ICA1: variants seen among roughly 807,000 people sequenced by gnomAD.
ICA1 encodes the protein islet cell autoantigen 1.
A neutral mutation model predicts 71.0 loss-of-function variants in ICA1; 40 were observed. The ratio of observed to expected loss-of-function variants is 0.56; its 90% CI spans 0.44 to 0.73. The LOEUF (loss-of-function observed/expected upper bound fraction) is 0.73. Among genes scored for constraint, ICA1 ranks in the 30% least tolerant of loss-of-function variants. The probability of loss-of-function intolerance (pLI) is 0.00; values close to 1 mark genes in which losing one functional copy is unlikely to be tolerated. For missense variants in ICA1, 578 were observed against 576.5 expected, an observed-to-expected ratio of 1.00 and a Z score of -0.03; for synonymous variants, 207 against 209.5, an observed-to-expected ratio of 0.99 and a Z score of 0.10.
intron 3 of ICA1, among the ~76,000 whole-genome samples, chr7:8,230,705 T>C (rs1168504831): frequency 6.6e-6 from 1 of 152,256 alleles, no homozygotes; most frequent in African/African-American, 2.4e-5. Context: ...AAAGCATATA[T>C]GCTTATAATA....
intron 10 of ICA1, 151 bp from the exon 11 acceptor site, chr7:8,139,198 T>A: frequency 1.7e-6 from 1 of 599,624 alleles, no homozygotes; most frequent in Non-Finnish European, 2.9e-6. Flanking sequence ...TACACTGGAC[T>A]CCTGCTATCA....
intron 1 of ICA1, among the ~76,000 whole-genome samples, chr7:8,237,819 GACACACAC>G (rs57343882): frequency 7.0e-6 from 1 of 142,088 alleles, no homozygotes; most frequent in Non-Finnish European, 1.6e-5. Flanking sequence ...GTTGAAGACA[GACACACAC>G]ACACACACAC....
At chr7:8,203,368 A>G (rs1790404662) in intron 6 of ICA1, among the ~76,000 whole-genome samples, 1 of 152,340 alleles carries the variant, frequency 6.6e-6, no homozygotes, top group East Asian at 1.9e-4. Flanking sequence ...AAATCTTCAT[A>G]TAAGTCAGAT....
chr7:8,116,073 G>A (rs1226694180), intron 13 of ICA1, among the ~76,000 whole-genome samples: 1 of 152,200 alleles, frequency 6.6e-6, no homozygotes, highest in Non-Finnish European at 1.5e-5. Context: ...AGAAAAAGAA[G>A]TCAGAATGTA....
In ICA1 at chr7:8,123,806, G is replaced by C. The variant is rs926265348; in HGVS notation, c.1330+4067C>G. The stretch of plus-strand genomic sequence containing the variant: ...CTGGGAAATCCCTTTTGCTCTCAGA[G>C]ACTGTACTGAGAGGCCAGAGAAGGG... On this transcript the variant is annotated intron_variant, in intron 13 of 13. Coordinates refer to ENST00000402384, the MANE Select transcript of ICA1 (RefSeq NM_001136020.3). This position sits in a 1 kb window ranked among gnomAD's most constrained non-coding sequence, Gnocchi z 4.1. 2.6e-5 allele frequency among the ~76,000 whole-genome samples: 4 copies of C among 152,300 alleles called. No homozygotes were observed. Among genetic ancestry groups the C allele is most frequent in the African/African-American group, 9.6e-5 (4 of 41,564 alleles).
Position 8,128,042 on chromosome 7 carries a change from C to G in ICA1, c.1161G>C (p.Glu387Asp). The G allele has an allele frequency of 6.2e-7, 1 of 1,614,232 alleles. No homozygotes were observed. Among genetic ancestry groups the G allele is most frequent in the Non-Finnish European group, 8.5e-7 (1 of 1,180,044 alleles). The change falls in exon 13 of 14, where the codon GAG becomes GAC. Residue 387 changes from glutamate (E) to aspartate (D), a missense_variant. Transcript: ENST00000402384. ...SEIFNASSLEEGEFSKEWAAV... is the reference protein window; with the variant it reads ...SEIFNASSLEDGEFSKEWAAV... ...CGGCCCACTCTTTGCTGAACTCGCC[C>G]TCTTCCAAGGAGGAAGCATTGAAGA... is the stretch of plus-strand genomic sequence containing the variant.
chr7:8,249,230 TGA>T lies in ICA1; in HGVS notation c.-80+12862_-80+12863del, dbSNP rs533519110. Among the ~76,000 whole-genome samples the T allele has an allele frequency of 1.3e-3, 196 of 152,374 alleles. 2 individuals are homozygous for T. The highest frequency in any genetic ancestry group is 4.3e-3 in the African/African-American group (180 of 41,598). ...CTGGCTTCCCACACAGCCTCTGGGC[TGA>T]GTCTCTAAGACTTAATTAGTCATTG... is the stretch of plus-strand genomic sequence containing the variant. On this transcript the variant is annotated intron_variant, in intron 1 of 13. Coordinates refer to ENST00000402384, the MANE Select transcript of ICA1 (RefSeq NM_001136020.3).
intron 6 of ICA1, among the ~76,000 whole-genome samples, chr7:8,169,612 A>G (rs905867331): frequency 1.3e-5 from 2 of 152,042 alleles, no homozygotes; most frequent in Non-Finnish European, 2.9e-5. Flanking sequence ...ATGATATTGA[A>G]CTTCTTTTCA....
intron 8 of ICA1, among the ~76,000 whole-genome samples, chr7:8,154,089 G>A (rs1253066736): frequency 6.6e-6 from 1 of 151,938 alleles, no homozygotes; most frequent in Non-Finnish European, 1.5e-5. Flanking sequence ...GAAGGAATGT[G>A]TCAGTAAAAG....
At chr7:8,232,346 T>C in intron 3 of ICA1, among the ~76,000 whole-genome samples, 1 of 152,228 alleles carries the variant, frequency 6.6e-6, no homozygotes, top group Non-Finnish European at 1.5e-5. Flanking sequence ...AAGAAACGCT[T>C]ACTGAGAATT....
intron 5 of ICA1, 131 bp downstream of exon 5, chr7:8,221,144 G>A (rs1796927881): frequency 7.3e-6 from 7 of 959,386 alleles, no homozygotes; most frequent in Non-Finnish European, 1.1e-5. Context: ...CCTAACTAGT[G>A]AGTACAGAGC....
At chr7:8,131,999 T>C (rs1478907205) in intron 12 of ICA1, among the ~76,000 whole-genome samples, 1 of 152,106 alleles carries the variant, frequency 6.6e-6, no homozygotes, top group Non-Finnish European at 1.5e-5. Flanking sequence ...GAACAAGGGT[T>C]GAGGATCTCT....
At chr7:8,261,366 G>C (rs1227309526) in intron 1 of ICA1, among the ~76,000 whole-genome samples, 1 of 152,170 alleles carries the variant, frequency 6.6e-6, no homozygotes, top group Non-Finnish European at 1.5e-5. Context: ...AACAGGATAT[G>C]TTCGTTTCTA....
At chr7:8,181,177 G>C (rs1487692490) in intron 6 of ICA1, among the ~76,000 whole-genome samples, 1 of 151,966 alleles carries the variant, frequency 6.6e-6, no homozygotes, top group African/African-American at 2.4e-5. Flanking sequence ...ATAGGGGTCG[G>C]GTTCCTGGTA....
chr7:8,175,410 CA>C (rs1030464954), intron 6 of ICA1, among the ~76,000 whole-genome samples: 4 of 152,134 alleles, frequency 2.6e-5, no homozygotes, highest in Non-Finnish European at 5.9e-5. Context: ...AATAAATAAG[CA>C]GTGACAACAT....
intron 6 of ICA1, among the ~76,000 whole-genome samples, chr7:8,160,107 A>G (rs1803212393): frequency 6.6e-6 from 1 of 152,240 alleles, no homozygotes; most frequent in African/African-American, 2.4e-5. Context: ...GGCTGAATAA[A>G]GAAATTTTTC....
intron 9 of ICA1, 123 bp from the exon 10 acceptor site, chr7:8,141,940 C>CAT (rs2128126339): frequency 5.6e-6 from 8 of 1,440,656 alleles, no homozygotes; most frequent in Non-Finnish European, 7.6e-6. Context: ...CACACGCACA[C>CAT]GAAGAAGGGT....
At chr7:8,204,754 T>C (rs1380110782) in intron 6 of ICA1, among the ~76,000 whole-genome samples, 1 of 152,208 alleles carries the variant, frequency 6.6e-6, no homozygotes, top group East Asian at 1.9e-4. Flanking sequence ...AAAGTACGTT[T>C]TTCTTATTTT....
At chr7:8,252,045 G>A (rs1808375908) in intron 1 of ICA1, among the ~76,000 whole-genome samples, 1 of 151,992 alleles carries the variant, frequency 6.6e-6, no homozygotes, top group South Asian at 2.1e-4. Context: ...AATATAAAGT[G>A]TAAAACAACA....
Sources: gnomAD v4.1 joint callset for allele counts (sites outside exome capture counted in the v4.1 genomes callset) on GRCh38, gnomAD v4.1.1 for gene constraint, Gnocchi (gnomAD v3.1) non-coding constraint, MANE v1.5 for transcripts, NCBI Gene and HGNC (gene_info 2026-07-23, HGNC 2026-07-21) for gene names.